The following OR9Q1 variants were observed in gnomAD, a reference collection of about 807,000 sequenced individuals.
The protein encoded by OR9Q1 is olfactory receptor 9Q1.
For synonymous variants in OR9Q1, 153 were observed against 148.6 expected, an observed-to-expected ratio of 1.03 and a Z score of -0.22; for missense variants, 374 against 378.8, an observed-to-expected ratio of 0.99 and a Z score of 0.11.
At chr11:58,096,132 C>G (rs1167145860) in intron 2 of OR9Q1, among the ~76,000 whole-genome samples, 1 of 150,190 alleles carries the variant, frequency 6.7e-6, no homozygotes, top group Non-Finnish European at 1.5e-5. Flanking sequence ...CATTTTCTCT[C>G]TCTCTCTCTT....
At chr11:58,173,766 C>T (rs1480438524) in intron 2 of OR9Q1, among the ~76,000 whole-genome samples, 1 of 152,118 alleles carries the variant, frequency 6.6e-6, no homozygotes, top group Non-Finnish European at 1.5e-5. Flanking sequence ...CCACTGTTGC[C>T]ATGTGCCTGC....
At chr11:58,140,604 C>T (rs36104388) in intron 2 of OR9Q1, among the ~76,000 whole-genome samples, 38,046 of 151,920 alleles carry the variant, frequency 0.25, 4,955 homozygotes, top group Middle Eastern at 0.39. Context: ...TGTAGATATG[C>T]GGAATTATTT....
In OR9Q1 at chr11:58,050,644, C is replaced by T. The variant is rs918613440; in HGVS notation, c.-92-5226C>T. Among the ~76,000 whole-genome samples, 4 of 123,972 alleles carry T rather than the reference C, an allele frequency of 3.2e-5. No homozygotes were observed. In the South Asian group the frequency reaches 1.4e-3, roughly 44 times the overall value. 81.3% of individuals were successfully genotyped at this position (123,972 alleles called of 152,430 possible). A position where few individuals can be genotyped will look rare whatever the true frequency, so the allele number is the denominator to read the frequency against. On this transcript the variant is annotated intron_variant, in intron 1 of 2. Coordinates refer to ENST00000335397, the MANE Select transcript of OR9Q1 (RefSeq NM_001005212.4). The stretch of plus-strand genomic sequence containing the variant: ...GCTTCTGCACAGCAAAAGAAACTAC[C>T]GTCAGAGTGAACAGGCAACCTACAA...
At chr11:58,037,330 A>G (rs1262985287) in intron 1 of OR9Q1, among the ~76,000 whole-genome samples, 1 of 152,100 alleles carries the variant, frequency 6.6e-6, no homozygotes, top group Non-Finnish European at 1.5e-5. Context: ...GAAACTAAAA[A>G]TTTGTGTGAG....
At chr11:58,053,028 G>A (rs1348000242) in intron 1 of OR9Q1, among the ~76,000 whole-genome samples, 1 of 151,452 alleles carries the variant, frequency 6.6e-6, no homozygotes, top group Non-Finnish European at 1.5e-5. Context: ...AACCATTGTG[G>A]AAGTCAGTGT....
At chr11:58,109,713 G>C in intron 2 of OR9Q1, 1 of 383,906 alleles carries the variant, frequency 2.6e-6, no homozygotes, top group Non-Finnish European at 5.2e-6. Context: ...TGAGATTCCA[G>C]AACTAAAGGT....
rs58893511 is a variant in OR9Q1, at chr11:58,059,687, C to CAAAAAAAA, written c.-15+3762_-15+3769dup. On this transcript the variant is annotated intron_variant, in intron 2 of 2. Transcript: ENST00000335397. ...TGGGTGACTGAGTGAGGCTCTGTCT[C>CAAAAAAAA]AAAAAAAAAAAAAAAAAAAAAAAAA... is the stretch of plus-strand genomic sequence containing the variant. Among the ~76,000 whole-genome samples the CAAAAAAAA allele has an allele frequency of 2.0e-3, 80 of 40,212 alleles. 4 individuals carry two copies. The highest frequency in any genetic ancestry group is 2.9e-3 in the East Asian group (2 of 698). The allele number at this position is 40,212 out of a possible 152,430, so 26.4% of individuals were successfully genotyped here. A position where few individuals can be genotyped will look rare whatever the true frequency, so the allele number is the denominator to read the frequency against.
At chr11:58,098,997 T>C (rs975351086) in intron 2 of OR9Q1, among the ~76,000 whole-genome samples, 1 of 152,050 alleles carries the variant, frequency 6.6e-6, no homozygotes, top group African/African-American at 2.4e-5. Flanking sequence ...CTTTTTGTTA[T>C]TAATTACTTG....
chr11:58,119,073 AGCATAG>A (rs1411145288), intron 2 of OR9Q1: 1 of 1,614,020 alleles, frequency 6.2e-7, no homozygotes, highest in Admixed American at 1.7e-5. Flanking sequence ...TGCGAATGGC[AGCATAG>A]CGATCATAGG....
intron 2 of OR9Q1, among the ~76,000 whole-genome samples, chr11:58,092,160 G>A (rs1260758316): frequency 6.6e-6 from 1 of 151,968 alleles, no homozygotes; most frequent in Non-Finnish European, 1.5e-5. Context: ...GGTTAATATT[G>A]TTATGTGTGA....
chr11:58,125,246 C>G (rs574408832), intron 2 of OR9Q1: 2 of 121,076 alleles, frequency 1.7e-5, no homozygotes, highest in South Asian at 3.5e-4. Context: ...ACCGCCCCCC[C>G]CCCAAAAAAA....
At chr11:58,030,977 A>G (rs1417070834) in intron 1 of OR9Q1, 2 of 1,613,744 alleles carry the variant, frequency 1.2e-6, no homozygotes, top group African/African-American at 2.7e-5. Flanking sequence ...CAAAAACTGG[A>G]CCCAGGTAAC....
At chr11:58,081,948 G>C (rs1044734824) in intron 2 of OR9Q1, among the ~76,000 whole-genome samples, 1 of 151,970 alleles carries the variant, frequency 6.6e-6, no homozygotes, top group Non-Finnish European at 1.5e-5. Context: ...GCATTTTTAA[G>C]AAACATTTTG....
At chr11:58,053,131 T>C (rs1590558682) in intron 1 of OR9Q1, among the ~76,000 whole-genome samples, 2 of 151,898 alleles carry the variant, frequency 1.3e-5, no homozygotes, top group African/African-American at 4.8e-5. Flanking sequence ...ATCATGCTGC[T>C]ATAAAGACAC....
At chr11:58,071,737 T>C (rs1019775514) in intron 2 of OR9Q1, among the ~76,000 whole-genome samples, 2 of 152,216 alleles carry the variant, frequency 1.3e-5, no homozygotes, top group African/African-American at 4.8e-5. Flanking sequence ...CCCAAATTTA[T>C]TTACTTATTT....
intron 2 of OR9Q1, among the ~76,000 whole-genome samples, chr11:58,069,646 C>T (rs187048408): frequency 6.6e-5 from 10 of 152,176 alleles, no homozygotes; most frequent in South Asian, 2.1e-4. Context: ...GGCTGAAGCA[C>T]GAGAATTGCT....
At chr11:58,140,060 G>C (rs545794460) in intron 2 of OR9Q1, among the ~76,000 whole-genome samples, 32 of 152,208 alleles carry the variant, frequency 2.1e-4, no homozygotes, top group African/African-American at 7.5e-4. Context: ...TTTTTCATGT[G>C]TCTTTTGGCT....
intron 2 of OR9Q1, among the ~76,000 whole-genome samples, chr11:58,178,382 G>C (rs192686532): frequency 6.6e-6 from 1 of 152,274 alleles, no homozygotes; most frequent in African/African-American, 2.4e-5. Flanking sequence ...TCCATGATGG[G>C]CACCGTGGCA....
intron 2 of OR9Q1, among the ~76,000 whole-genome samples, chr11:58,160,783 C>T (rs1370889363): frequency 2.6e-5 from 4 of 152,120 alleles, no homozygotes; most frequent in Admixed American, 6.6e-5. Flanking sequence ...CCACACTGGC[C>T]TTCTTGGTAT....
Sources: gnomAD v4.1 joint callset for allele counts (sites outside exome capture counted in the v4.1 genomes callset) on GRCh38, gnomAD v4.1.1 for gene constraint, MANE v1.5 for transcripts, NCBI Gene and HGNC (gene_info 2026-07-23, HGNC 2026-07-21) for gene names.